The following HEATR3 variants were observed in gnomAD, a reference collection of about 807,000 sequenced individuals.
HEATR3 encodes the protein HEAT repeat-containing protein 3.
A neutral mutation model predicts 72.8 loss-of-function variants in HEATR3; 56 were observed. That is an observed-to-expected ratio of 0.77 (90% confidence interval 0.62 to 0.96). The LOEUF is 0.96. HEATR3 is among the 40% of genes least tolerant of loss of function. HEATR3 has a pLI of 0.00. For synonymous variants in HEATR3, 331 were observed against 318.1 expected (o/e 1.04, Z -0.43); for missense variants, 747 against 831.4 (o/e 0.90, Z 1.25).
At chr16:50,067,911 C>T (rs1597134811) in intron 2 of HEATR3, among the ~76,000 whole-genome samples, 3 of 152,098 alleles carry the variant, frequency 2.0e-5, no homozygotes, top group Admixed American at 6.5e-5. Flanking sequence ...CAAACAGTTA[C>T]ATAAGTGTAT....
At chr16:50,083,405 G>A (rs8047742) in intron 7 of HEATR3, among the ~76,000 whole-genome samples, 103,458 of 151,964 alleles carry the variant, frequency 0.68, 35,500 homozygotes, top group South Asian at 0.72. Flanking sequence ...CTTTATTATA[G>A]TCTTTACAGA....
intron 11 of HEATR3, 55 bp from the exon 12 acceptor site, chr16:50,094,650 C>A: frequency 9.8e-7 from 1 of 1,017,506 alleles, no homozygotes; most frequent in Non-Finnish European, 1.5e-6. Flanking sequence ...GTTGCTTCTA[C>A]AAAATAGCCT....
chr16:50,073,290 C>G (rs1237591997), intron 5 of HEATR3: 1 of 152,628 alleles, frequency 6.6e-6, no homozygotes, highest in Non-Finnish European at 1.5e-5. Context: ...GGACCCTCAG[C>G]TCAGTGGCAG....
intron 7 of HEATR3, among the ~76,000 whole-genome samples, chr16:50,080,678 C>T (rs1361084432): frequency 2.6e-5 from 4 of 152,122 alleles, no homozygotes; most frequent in Non-Finnish European, 4.4e-5. Context: ...TATTTTGAGA[C>T]GAGATCTCAC....
In HEATR3 at chr16:50,076,865, A is replaced by ATT. The variant is rs756365677; in HGVS notation, c.763+1173_763+1174dup. Among the ~76,000 whole-genome samples the ATT allele has an allele frequency of 3.3e-3, 352 of 106,326 alleles. 4 individuals carry two copies. The highest frequency in any genetic ancestry group is 8.3e-3 in the South Asian group (27 of 3,266). 69.8% of individuals were successfully genotyped at this position (106,326 alleles called of 152,430 possible). A position where few individuals can be genotyped will look rare whatever the true frequency, so the allele number is the denominator to read the frequency against. On this transcript the variant is annotated intron_variant, in intron 6 of 14. Transcript: ENST00000299192. Reference sequence around the variant, plus strand: ...CAGGCACCCACCACCACACCTGGCTATTTTTTTTTTTTTTTTTTTTGGAGA... The same window carrying ATT: ...CAGGCACCCACCACCACACCTGGCTATTTTTTTTTTTTTTTTTTTTTTGGAGA...
In HEATR3 at chr16:50,083,920, T is replaced by G; in HGVS notation, c.1042-17T>G. 1.1e-6 allele frequency: 1 copy of G among 935,860 alleles called. No individual in the cohort carries two copies. Among genetic ancestry groups the G allele is most frequent in the Non-Finnish European group, 1.4e-6 (1 of 690,992 alleles). 58.0% of individuals were successfully genotyped at this position (935,860 alleles called of 1,614,324 possible). On this transcript the variant is annotated splice_polypyrimidine_tract_variant and intron_variant, in intron 7 of 14. Coordinates refer to ENST00000299192, the MANE Select transcript of HEATR3 (RefSeq NM_182922.4). ...ACCATTGAGAGTTGGTCATTTACTTTTTTTTTTTTTTTTAAGCCCACTGAC... is the reference window on the plus strand; with the variant it reads ...ACCATTGAGAGTTGGTCATTTACTTGTTTTTTTTTTTTTAAGCCCACTGAC...
In HEATR3 at chr16:50,072,664, T is replaced by G; in HGVS notation, c.572T>G (p.Leu191Ter). The change falls in exon 5 of 15, where the codon TTA becomes TGA. Residue 191 changes from leucine to a stop codon, truncating the protein, a stop_gained. Coordinates refer to ENST00000299192, the MANE Select transcript of HEATR3 (RefSeq NM_182922.4). LOFTEE classifies it high-confidence loss of function. ...FNKEGCLEIV[L>*]KYLSRFPTNV... Reference sequence around the variant, plus strand: ...AAAGAAGGGTGTTTGGAGATTGTGTTAAAGTATTTAAGTAGGTTTCCTACC... The same window carrying G: ...AAAGAAGGGTGTTTGGAGATTGTGTGAAAGTATTTAAGTAGGTTTCCTACC... The G allele has an allele frequency of 6.2e-7, 1 of 1,609,552 alleles. No homozygotes were observed. The highest frequency in any genetic ancestry group is 1.1e-5 in the South Asian group (1 of 90,974).
At chr16:50,090,124 T>C (rs1597163550) in intron 11 of HEATR3, among the ~76,000 whole-genome samples, 2 of 151,996 alleles carry the variant, frequency 1.3e-5, no homozygotes, top group Non-Finnish European at 2.9e-5. Flanking sequence ...GGGAGCTGAA[T>C]TGGGAGGATC....
rs2036477954 is a variant in HEATR3 at position 50,066,030 on chromosome 16, C to T, written c.-102C>T. 2.3e-6 allele frequency: 3 copies of T among 1,322,846 alleles called. No homozygotes were observed. Among genetic ancestry groups the T allele is most frequent in the African/African-American group, 1.5e-5 (1 of 65,212 alleles). 81.9% of individuals were successfully genotyped at this position (1,322,846 alleles called of 1,614,324 possible). A position where few individuals can be genotyped will look rare whatever the true frequency, so the allele number is the denominator to read the frequency against. On this transcript the variant is annotated 5_prime_UTR_variant, in exon 1 of 15. Transcript: ENST00000299192. ...ATGTGTGCTGCAGCCGTCAGCCGGCCCAGCTGAGCAGCAGCAACGGACCTT... is the reference window on the plus strand; with the variant it reads ...ATGTGTGCTGCAGCCGTCAGCCGGCTCAGCTGAGCAGCAGCAACGGACCTT...
In HEATR3 at chr16:50,105,153, C is replaced by A; in HGVS notation, c.*92C>A. 2 of 1,365,656 alleles carry A rather than the reference C, an allele frequency of 1.5e-6. No homozygotes were observed. Among genetic ancestry groups the A allele is most frequent in the South Asian group, 2.5e-5 (2 of 79,124 alleles). The allele number at this position is 1,365,656 out of a possible 1,614,324, so 84.6% of individuals were successfully genotyped here. ...TTTGAATGTATATGTTTCTGAAAGTCATTTTTTAATGATTACATTCTGTAC... is the reference window on the plus strand; with the variant it reads ...TTTGAATGTATATGTTTCTGAAAGTAATTTTTTAATGATTACATTCTGTAC... On this transcript the variant is annotated 3_prime_UTR_variant, in exon 15 of 15. Transcript: ENST00000299192.
Position 50,078,771 on chromosome 16 carries a change from C to G in HEATR3, c.794C>G (p.Pro265Arg), listed in dbSNP as rs778740619. Reference sequence around the variant, plus strand: ...ATTTGGAATCTAAAGGACATTATTCCATGCAAGAGTCAAGCAGAAATCATA... The same window carrying G: ...ATTTGGAATCTAAAGGACATTATTCGATGCAAGAGTCAAGCAGAAATCATA... The part of the protein sequence containing the change: ...GTIWNLKDII[P>R]CKSQAEIINA... The change falls in exon 7 of 15, where the codon CCA becomes CGA. Residue 265 changes from proline to arginine, a missense_variant. Physicochemically the swap from Pro to Arg is moderately radical, Grantham distance 103. Around this residue, in one of 2 missense-constraint regions of HEATR3, gnomAD observed 586 missense variants for 708.8 expected, o/e 0.83. Coordinates refer to ENST00000299192, the MANE Select transcript of HEATR3 (RefSeq NM_182922.4). 6.2e-6 allele frequency: 10 copies of G among 1,613,506 alleles called. No homozygotes were observed. The highest frequency in any genetic ancestry group is 8.5e-6 in the Non-Finnish European group (10 of 1,179,910).
chr16:50,104,862 C>G, intron 14 of HEATR3, 77 bp from the exon 15 acceptor site: 1 of 1,320,726 alleles, frequency 7.6e-7, no homozygotes, highest in Non-Finnish European at 1.0e-6. Context: ...TTAAATACAC[C>G]CTAAATTAAA....
At chr16:50,074,004 T>A (rs375204742) in intron 5 of HEATR3, 3 of 152,230 alleles carry the variant, frequency 2.0e-5, no homozygotes, top group Non-Finnish European at 4.4e-5. Flanking sequence ...GTCATGGCTG[T>A]TGGCTAAAGT....
At position 50,100,389 on chromosome 16, in the gene HEATR3, T is replaced by G; in HGVS notation, c.1743+16T>G. 6.2e-7 allele frequency: 1 copy of G among 1,612,376 alleles called. No individual in the cohort carries two copies. On this transcript the variant is annotated intron_variant, in intron 13 of 14. Transcript: ENST00000299192. ...AACTCTTAAGGTAAAACAATTTGCT[T>G]CTGACCTAACATGTTAAATAATTAG...
chr16:50,103,488 C>T lies in HEATR3; in HGVS notation c.1920+1053C>T, dbSNP rs111859511. Among the ~76,000 whole-genome samples, 885 of 152,300 alleles carry T rather than the reference C, an allele frequency of 5.8e-3. 5 individuals carry two copies. Among genetic ancestry groups the T allele is most frequent in the African/African-American group, 0.02 (843 of 41,564 alleles). On this transcript the variant is annotated intron_variant, in intron 14 of 14. Transcript: ENST00000299192. Reference sequence around the variant, plus strand: ...TGCATTTATGTACAATCAAGAACTTCTCTTGAGCAGTGTTTCTCAAAAGTG... The same window carrying T: ...TGCATTTATGTACAATCAAGAACTTTTCTTGAGCAGTGTTTCTCAAAAGTG...
chr16:50,081,859 T>G (rs939952990), intron 7 of HEATR3, among the ~76,000 whole-genome samples: 1 of 152,244 alleles, frequency 6.6e-6, no homozygotes, highest in Non-Finnish European at 1.5e-5. Flanking sequence ...AAGTCTGGTC[T>G]ATTTGATTTC....
Position 50,075,554 on chromosome 16 carries a change from T to TC in HEATR3, c.623-17_623-16insC, listed in dbSNP as rs2036706377. ...CAGAATTCATTTGTTTCTAAATACT[T>TC]ATTTTTTGCCTCGTAGCATATTGTT... On this transcript the variant is annotated splice_polypyrimidine_tract_variant and intron_variant, in intron 5 of 14. Transcript: ENST00000299192. 6.2e-7 allele frequency: 1 copy of TC among 1,603,238 alleles called. No individual in the cohort carries two copies. Among genetic ancestry groups the TC allele is most frequent in the East Asian group, 2.2e-5 (1 of 44,648 alleles).
chr16:50,088,556 G>A (rs1174613340), intron 11 of HEATR3, among the ~76,000 whole-genome samples: 1 of 152,210 alleles, frequency 6.6e-6, no homozygotes, highest in East Asian at 1.9e-4. Flanking sequence ...TCGTCAGTGT[G>A]AGCAGACCAG....
intron 12 of HEATR3, among the ~76,000 whole-genome samples, chr16:50,097,904 CAA>C (rs2037279385): frequency 8.2e-6 from 1 of 121,280 alleles, no homozygotes; most frequent in Non-Finnish European, 1.7e-5. Context: ...AAGAGTGTGA[CAA>C]GAGTGAAACT....
Sources: gnomAD v4.1 joint callset for allele counts (sites outside exome capture counted in the v4.1 genomes callset) on GRCh38, gnomAD v4.1.1 for gene constraint, gnomAD v4.1.1 regional missense constraint, MANE v1.5 for transcripts, NCBI Gene and HGNC (gene_info 2026-07-23, HGNC 2026-07-21) for gene names.